KLK15: variants seen among roughly 807,000 people sequenced by gnomAD.
KLK15 encodes kallikrein related peptidase 15.
A neutral mutation model predicts 21.1 loss-of-function variants in KLK15; 19 were observed. The observed-to-expected ratio is 0.90, with a 90% CI of 0.63 to 1.32. The LOEUF (loss-of-function observed/expected upper bound fraction) is 1.32, where lower values mean the gene tolerates loss of function less well. Ranked by LOEUF, KLK15 falls within the 40% of genes most tolerant of loss-of-function variation. The probability of loss-of-function intolerance (pLI) is 0.00; values close to 1 mark genes in which losing one functional copy is unlikely to be tolerated. For missense variants in KLK15, 345 were observed against 348.6 expected (o/e 0.99, Z 0.08); for synonymous variants, 141 against 141.5 (o/e 1.00, Z 0.03).
intron 1 of KLK15, among the ~76,000 whole-genome samples, chr19:50,830,144 A>G (rs11669912): frequency 6.9e-6 from 1 of 144,452 alleles, no homozygotes; most frequent in African/African-American, 2.5e-5. Context: ...TTGTATACCC[A>G]CTGCACACGT....
rs111994810 is a variant in KLK15 at position 50,829,637 on chromosome 19, A to T, written c.43+1813T>A. The stretch of plus-strand genomic sequence containing the variant: ...CATCGTGAAATCCCGTCTCTACTAA[A>T]AAATAAATAAATAAATAAATAAAAA... On this transcript the variant is annotated intron_variant, in intron 1 of 4. Coordinates refer to ENST00000598239, the Ensembl canonical transcript of KLK15. Among the ~76,000 whole-genome samples, 1,074 of 151,788 alleles carry T rather than the reference A, an allele frequency of 7.1e-3. 25 individuals carry two copies. Among genetic ancestry groups the T allele is most frequent in the African/African-American group, 0.024 (996 of 41,480 alleles).
At chr19:50,826,730 G>A in exon 4 of KLK15, 1 of 1,613,602 alleles carries the variant, frequency 6.2e-7, no homozygotes, top group Non-Finnish European at 8.5e-7. Flanking sequence ...GCTGATGTTG[G>A]CACAATGCAA....
chr19:50,831,652 A>C, upstream of KLK15: 4 of 485,178 alleles, frequency 8.2e-6, no homozygotes, highest in East Asian at 3.6e-5. Flanking sequence ...CCTTCCCCCA[A>C]CCCCACTCTG....
exon 5 of KLK15, chr19:50,825,886 G>A (rs137922291): frequency 1.0e-4 from 163 of 1,613,770 alleles, no homozygotes; most frequent in Non-Finnish European, 3.6e-5. Context: ...CACAAGGGAC[G>A]TCACCCCAGG....
At chr19:50,830,432 A>G (rs2089962769) in intron 1 of KLK15, 1 of 152,066 alleles carries the variant, frequency 6.6e-6, no homozygotes. Flanking sequence ...GGCTTAACAA[A>G]GGAAGGGTGA....
upstream of KLK15, among the ~76,000 whole-genome samples, chr19:50,832,902 G>A (rs1406720772): frequency 1.3e-5 from 2 of 152,168 alleles, no homozygotes; most frequent in Non-Finnish European, 2.9e-5. Context: ...CTCCAGTACT[G>A]CAGGGCCCGA....
chr19:50,830,061 T>C (rs1056943159), intron 1 of KLK15, among the ~76,000 whole-genome samples: 7 of 151,344 alleles, frequency 4.6e-5, no homozygotes, highest in Non-Finnish European at 8.9e-5. Context: ...GCCAGATCTG[T>C]GGAGTCACTG....
upstream of KLK15, among the ~76,000 whole-genome samples, chr19:50,832,567 C>G (rs893320901): frequency 6.6e-6 from 1 of 152,070 alleles, no homozygotes; most frequent in African/African-American, 2.4e-5. Context: ...TAGTGATCCA[C>G]CCGCCTCAGC....
At chr19:50,828,996 A>G (rs1357208239) in intron 1 of KLK15, among the ~76,000 whole-genome samples, 2 of 140,060 alleles carry the variant, frequency 1.4e-5, no homozygotes, top group East Asian at 2.0e-4. Context: ...AAAAAAAAAG[A>G]ATCACAGCAC....
chr19:50,825,985 C>A, intron 4 of KLK15, 37 bp from the exon 6 acceptor site: 1 of 1,585,058 alleles, frequency 6.3e-7, no homozygotes, highest in Non-Finnish European at 8.6e-7. Flanking sequence ...TTGAGTGAAA[C>A]CTCCTGGATT....
chr19:50,829,704 T>C (rs1218976021), intron 1 of KLK15, among the ~76,000 whole-genome samples: 1 of 151,698 alleles, frequency 6.6e-6, no homozygotes, highest in Non-Finnish European at 1.5e-5. Flanking sequence ...CCTGTAATTC[T>C]AGCTACTCGG....
At chr19:50,827,544 G>T (rs2089905318) in intron 2 of KLK15, 118 bp downstream of exon 3, 3 of 1,049,844 alleles carry the variant, frequency 2.9e-6, no homozygotes, top group Non-Finnish European at 4.1e-6. Context: ...CTTGACATCC[G>T]GCCTCCTCGT....
chr19:50,830,273 C>A (rs955846967), intron 1 of KLK15, among the ~76,000 whole-genome samples: 2 of 151,720 alleles, frequency 1.3e-5, no homozygotes, highest in Admixed American at 1.3e-4. Flanking sequence ...GTGGATGCAT[C>A]CCCTGAAGGT....
upstream of KLK15, among the ~76,000 whole-genome samples, chr19:50,831,768 C>T (rs2089989451): frequency 6.6e-6 from 1 of 152,044 alleles, no homozygotes; most frequent in Non-Finnish European, 1.5e-5. Flanking sequence ...CACCATGCTA[C>T]CAGCCCCTGG....
rs748104599 is a variant in KLK15, at chr19:50,826,740, A to G, written c.499T>C (p.Leu167=). The change falls in exon 4 of 5, where the codon TTG becomes CTG. Residue 167 remains leucine, a synonymous_variant. Transcript: ENST00000598239. ...ATAATGCTGATGTTGGCACAATGCAACGTATCTGGGAGACTCACTGGGGAA... is the reference window on the plus strand; with the variant it reads ...ATAATGCTGATGTTGGCACAATGCAGCGTATCTGGGAGACTCACTGGGGAA... The G allele has an allele frequency of 2.5e-6, 4 of 1,613,028 alleles. 1 individual carries two copies. The South Asian group carries it at 3.3e-5, about 13-fold the overall frequency.
At chr19:50,825,741 G>T, downstream of KLK15, 2 of 1,564,674 alleles carry the variant, frequency 1.3e-6, no homozygotes, top group South Asian at 1.2e-5. Flanking sequence ...CGGGGCTGCT[G>T]GCCAGCTGTG....
At chr19:50,829,568 G>A (rs976590559) in intron 1 of KLK15, among the ~76,000 whole-genome samples, 2 of 151,718 alleles carry the variant, frequency 1.3e-5, no homozygotes, top group Admixed American at 1.3e-4. Flanking sequence ...AGGCCGAGGT[G>A]GGTGGATCAC....
intron 2 of KLK15, 121 bp downstream of exon 3, chr19:50,827,541 T>G: frequency 9.8e-7 from 1 of 1,020,970 alleles, no homozygotes; most frequent in East Asian, 2.6e-5. Context: ...GGGCTTGACA[T>G]CCGGCCTCCT....
rs771040569 is a variant in KLK15, at chr19:50,825,902, A to G, written c.665T>C (p.Ile222Thr). Residue 222 changes from isoleucine (I) to threonine (T), a missense_variant, in exon 5 of 5, where the codon ATT becomes ACT. Coordinates refer to ENST00000598239, the Ensembl canonical transcript of KLK15. The stretch of plus-strand genomic sequence containing the variant: ...ACAAGGGACGTCACCCCAGGACACA[A>G]TGCCCTGCAGGATGCCCCCACAGAC... 6.8e-6 allele frequency: 11 copies of G among 1,613,832 alleles called. No homozygotes were observed. Among genetic ancestry groups the G allele is most frequent in the Admixed American group, 3.3e-5 (2 of 59,986 alleles).
Sources: allele counts gnomAD v4.1 joint callset (sites outside exome capture counted in the v4.1 genomes callset), GRCh38; gene constraint gnomAD v4.1.1; transcripts MANE v1.5; gene names NCBI Gene and HGNC (gene_info 2026-07-23, HGNC 2026-07-21).